Variants in GALNT1 observed in about 807,000 individuals in gnomAD.
GALNT1 encodes polypeptide N-acetylgalactosaminyltransferase 1.
A neutral mutation model predicts 65.7 loss-of-function variants in GALNT1; 17 were observed. That is an observed-to-expected ratio of 0.26 (90% confidence interval 0.18 to 0.39). The LOEUF is 0.39. Among genes scored for constraint, GALNT1 ranks in the 10% least tolerant of loss-of-function variants. The pLI, the probability that GALNT1 is intolerant of heterozygous loss-of-function variation, is 1.00. For synonymous variants in GALNT1, 210 were observed against 219.7 expected (o/e 0.96, Z 0.39); for missense variants, 460 against 672.8 (o/e 0.68, Z 3.50).
rs2047508072 is a variant in GALNT1 at position 35,663,711 on chromosome 18, A to G, written c.223A>G (p.Met75Val). Residue 75 changes from methionine to valine, a missense_variant, in exon 3 of 12, where the codon ATG (methionine) becomes GTG (valine). Met to Val is a conservative substitution (Grantham distance 21, BLOSUM62 1). Transcript: ENST00000269195. ...VVIPKEDQEK[M>V]KEMFKINQFN... ...CATTCCTAAAGAGGATCAAGAAAAG[A>G]TGAAAGAGATGTTTAAAATCAATCA... 1.2e-6 allele frequency: 2 copies of G among 1,614,084 alleles called. No individual in the cohort carries two copies. The highest frequency in any genetic ancestry group is 1.7e-6 in the Non-Finnish European group (2 of 1,179,930).
At chr18:35,686,252 A>G (rs2047866086) in intron 5 of GALNT1, among the ~76,000 whole-genome samples, 5 of 152,248 alleles carry the variant, frequency 3.3e-5, no homozygotes, top group South Asian at 4.1e-4. Flanking sequence ...AGGAAAGTCA[A>G]TATCATAAGA....
intron 1 of GALNT1, among the ~76,000 whole-genome samples, chr18:35,623,291 CT>C (rs111471860): frequency 0.014 from 2,085 of 151,202 alleles, 42 homozygotes; most frequent in African/African-American, 0.046. Flanking sequence ...AGAAGTCATC[CT>C]TTTTTTTTCC....
At chr18:35,707,993 G>A (rs574136117) in intron 11 of GALNT1, among the ~76,000 whole-genome samples, 28 of 152,296 alleles carry the variant, frequency 1.8e-4, no homozygotes, top group Non-Finnish European at 2.9e-4. Context: ...GTATGTAAAT[G>A]TCATTGTACC....
At chr18:35,633,791 CAAT>C (rs549159676) in intron 1 of GALNT1, among the ~76,000 whole-genome samples, 117 of 152,198 alleles carry the variant, frequency 7.7e-4, no homozygotes, top group Admixed American at 1.8e-3. Context: ...AGAAATGTAA[CAAT>C]AAAGCATAGT....
chr18:35,616,050 T>C (rs778190696), intron 1 of GALNT1, among the ~76,000 whole-genome samples: 81 of 152,274 alleles, frequency 5.3e-4, no homozygotes, highest in African/African-American at 1.8e-3. Flanking sequence ...TTTACAAAAA[T>C]ACTAGTTTGC....
At chr18:35,684,480 T>C (rs2047836330) in intron 5 of GALNT1, among the ~76,000 whole-genome samples, 1 of 152,192 alleles carries the variant, frequency 6.6e-6, no homozygotes, top group Admixed American at 6.6e-5. Context: ...ATTATTTTCT[T>C]TAAATAATAG....
At chr18:35,615,609 A>G (rs764082475) in intron 1 of GALNT1, among the ~76,000 whole-genome samples, 1 of 152,206 alleles carries the variant, frequency 6.6e-6, no homozygotes, top group Non-Finnish European at 1.5e-5. Flanking sequence ...AGGAGAGTGT[A>G]AAGACTAGTC....
At chr18:35,583,604 C>G (rs1312812621) in intron 1 of GALNT1, among the ~76,000 whole-genome samples, 2 of 152,080 alleles carry the variant, frequency 1.3e-5, no homozygotes, top group Non-Finnish European at 2.9e-5. Flanking sequence ...AATGAGTGTG[C>G]TAGGATACTT....
At position 35,638,907 on chromosome 18, in the gene GALNT1, G is replaced by A. The variant is rs140299238; in HGVS notation, c.-103-15653G>A. 5.9e-3 allele frequency among the ~76,000 whole-genome samples: 900 copies of A among 152,338 alleles called. 14 individuals are homozygous for A. The highest frequency in any genetic ancestry group is 0.021 in the African/African-American group (866 of 41,582). On this transcript the variant is annotated intron_variant, in intron 1 of 11. Transcript: ENST00000269195. ...CAAGAGAACTAGAATTAGAAGTGGA[G>A]CCTGAAGATATGGCTGAATTGCTGC...
chr18:35,675,471 C>G (rs1425726151), intron 3 of GALNT1, among the ~76,000 whole-genome samples: 1 of 152,136 alleles, frequency 6.6e-6, no homozygotes, highest in Non-Finnish European at 1.5e-5. Flanking sequence ...CAGTTTCTTT[C>G]TATTGTTCTT....
In GALNT1 at chr18:35,612,962, T is replaced by A. The variant is rs569293845; in HGVS notation, c.-104+31100T>A. Among the ~76,000 whole-genome samples, 3 of 152,212 alleles carry A rather than the reference T, an allele frequency of 2.0e-5. No individual in the cohort carries two copies. In the East Asian group the frequency reaches 5.8e-4, roughly 29 times the overall value. On this transcript the variant is annotated intron_variant, in intron 1 of 11. Coordinates refer to ENST00000269195, the MANE Select transcript of GALNT1 (RefSeq NM_020474.4). ...TCTTAAAATTTTATGTTTAAAAAAA[T>A]TAATCAGTGGTATGTTATAGGGAAG... is the stretch of plus-strand genomic sequence containing the variant.
intron 1 of GALNT1, among the ~76,000 whole-genome samples, chr18:35,586,943 T>C (rs1399788715): frequency 1.3e-5 from 2 of 152,202 alleles, no homozygotes; most frequent in African/African-American, 4.8e-5. Context: ...TTAGTATGTA[T>C]GTTGCATTTT....
chr18:35,632,281 G>A (rs532600984), intron 1 of GALNT1, among the ~76,000 whole-genome samples: 1,990 of 152,160 alleles, frequency 0.013, 38 homozygotes, highest in African/African-American at 0.045. Flanking sequence ...GAGGCATCAT[G>A]CTACCTGACT....
chr18:35,685,522 T>A (rs527376497), intron 5 of GALNT1, among the ~76,000 whole-genome samples: 4 of 151,094 alleles, frequency 2.6e-5, no homozygotes. Context: ...AGAAATCATG[T>A]TAATGGAGAA....
rs1728164044 is a variant in GALNT1, at chr18:35,637,624, GTGT to G, written c.-103-16929_-103-16927del. 2.6e-5 allele frequency among the ~76,000 whole-genome samples: 4 copies of G among 152,230 alleles called. No individual in the cohort carries two copies. In the South Asian group the frequency reaches 6.2e-4, roughly 24 times the overall value. On this transcript the variant is annotated intron_variant, in intron 1 of 11. Transcript: ENST00000269195. ...AGCCATCTCCACAATGTAAAAACAA[GTGT>G]TGTTGTAGAAGCTGCAGCAAGTTAT...
intron 3 of GALNT1, among the ~76,000 whole-genome samples, chr18:35,670,866 G>T (rs1357503877): frequency 1.3e-5 from 2 of 152,296 alleles, no homozygotes; most frequent in African/African-American, 4.8e-5. Flanking sequence ...GGAGAAGGAT[G>T]ATCTTCTAAA....
chr18:35,661,527 A>G (rs1481316390), intron 2 of GALNT1, among the ~76,000 whole-genome samples: 1 of 151,418 alleles, frequency 6.6e-6, no homozygotes, highest in African/African-American at 2.4e-5. Context: ...AAAAAAAATT[A>G]AACTCTCATG....
chr18:35,640,764 A>G (rs1363124621), intron 1 of GALNT1, among the ~76,000 whole-genome samples: 2 of 152,192 alleles, frequency 1.3e-5, no homozygotes, highest in Non-Finnish European at 2.9e-5. Flanking sequence ...GAGAATATGG[A>G]AACCCAGAAA....
At position 35,663,597 on chromosome 18, in the gene GALNT1, T is replaced by G. The variant is rs1224598327; in HGVS notation, c.140-31T>G. On this transcript the variant is annotated intron_variant, in intron 2 of 11. Transcript: ENST00000269195. Reference sequence around the variant, plus strand: ...ATGAATCAATCAATTGCTATGAAATTAATGTTAGTTAAGTTTCTTCCTATT... The same window carrying G: ...ATGAATCAATCAATTGCTATGAAATGAATGTTAGTTAAGTTTCTTCCTATT... 1.3e-6 allele frequency: 2 copies of G among 1,573,318 alleles called. 1 individual carries two copies.
Sources: gnomAD v4.1 joint callset for allele counts (sites outside exome capture counted in the v4.1 genomes callset) on GRCh38, gnomAD v4.1.1 for gene constraint, MANE v1.5 for transcripts, NCBI Gene and HGNC (gene_info 2026-07-23, HGNC 2026-07-21) for gene names.